The following ATP2B4 variants were observed in gnomAD, a reference collection of about 807,000 sequenced individuals.
The protein encoded by ATP2B4 is ATPase plasma membrane Ca2+ transporting 4, also known as plasma membrane calcium-transporting ATPase 4.
In ATP2B4, 39 loss-of-function variants were observed where a neutral mutation model predicts 110.3. The observed-to-expected ratio is 0.35, with a 90% CI of 0.27 to 0.46. The LOEUF (loss-of-function observed/expected upper bound fraction) is 0.46. Ranked by LOEUF, ATP2B4 falls within the 20% of genes least tolerant of loss-of-function variation. ATP2B4 has a pLI of 1.00. For missense variants in ATP2B4, 1,135 were observed against 1,530.9 expected (o/e 0.74, Z 4.32); for synonymous variants, 538 against 571.7 (o/e 0.94, Z 0.84).
chr1:203,650,980 C>G (rs1011932749), intron 1 of ATP2B4, among the ~76,000 whole-genome samples: 3 of 152,118 alleles, frequency 2.0e-5, no homozygotes, highest in Non-Finnish European at 4.4e-5. Context: ...CACTGTGTTG[C>G]CCAGGCTGCT....
intron 20 of ATP2B4, among the ~76,000 whole-genome samples, chr1:203,736,310 CA>C (rs973304637): frequency 3.5e-4 from 53 of 150,842 alleles, no homozygotes; most frequent in African/African-American, 1.2e-3. Flanking sequence ...ACTAAAAATA[CA>C]AAAAAAAATA....
intron 1 of ATP2B4, among the ~76,000 whole-genome samples, chr1:203,649,262 A>C (rs1663903643): frequency 6.6e-6 from 1 of 152,156 alleles, no homozygotes; most frequent in African/African-American, 2.4e-5. Flanking sequence ...ATGTGTTCAA[A>C]GTGGGTGAAA....
At chr1:203,657,020 C>T in intron 1 of ATP2B4, 2 of 751,534 alleles carry the variant, frequency 2.7e-6, no homozygotes, top group Non-Finnish European at 2.4e-6. Context: ...CTGTTGGTAA[C>T]CTGAGCATAT....
At position 203,699,827 on chromosome 1, in the gene ATP2B4, CA is replaced by C. The variant is rs541840987; in HGVS notation, c.649+114del. 3 of 1,503,412 alleles carry C rather than the reference CA, an allele frequency of 2.0e-6. No homozygotes were observed. In the African/African-American group the frequency reaches 4.2e-5, roughly 21 times the overall value. The allele number at this position is 1,503,412 out of a possible 1,614,324, so 93.1% of individuals were successfully genotyped here. ...GCTGAAAACCCAAAAAGATAAGATC[CA>C]AAATTGTATTCACTTCTAGGTTAGA... On this transcript the variant is annotated intron_variant, in intron 4 of 20. Coordinates refer to ENST00000357681, the MANE Select transcript of ATP2B4 (RefSeq NM_001684.5).
intron 2 of ATP2B4, among the ~76,000 whole-genome samples, chr1:203,688,722 C>A (rs1476156721): frequency 6.6e-6 from 1 of 152,076 alleles, no homozygotes; most frequent in Non-Finnish European, 1.5e-5. Flanking sequence ...AGATGTTTAG[C>A]TACATGGCCT....
At chr1:203,645,566 C>A (rs1663770138) in intron 1 of ATP2B4, among the ~76,000 whole-genome samples, 1 of 151,328 alleles carries the variant, frequency 6.6e-6, no homozygotes, top group South Asian at 2.1e-4. Flanking sequence ...CAACACCCTT[C>A]CCAGCTTATA....
At chr1:203,702,182 A>G in intron 7 of ATP2B4, 103 bp downstream of exon 7, 4 of 1,451,968 alleles carry the variant, frequency 2.8e-6, no homozygotes, top group Non-Finnish European at 3.8e-6. Flanking sequence ...TAAATCTGTT[A>G]TCTGCTGCTG....
intron 1 of ATP2B4, among the ~76,000 whole-genome samples, chr1:203,642,566 C>T (rs1332709208): frequency 1.3e-5 from 2 of 152,186 alleles, no homozygotes; most frequent in African/African-American, 2.4e-5. Context: ...GACTAGGAAA[C>T]AGGATGCTGA....
chr1:203,644,346 C>A (rs1209567960), intron 1 of ATP2B4, among the ~76,000 whole-genome samples: 2 of 151,834 alleles, frequency 1.3e-5, no homozygotes, highest in Admixed American at 6.6e-5. Context: ...GTGAACTTTA[C>A]CTTCTTCCTT....
At chr1:203,710,852 G>A (rs765331981) in intron 11 of ATP2B4, 25 bp from the exon 12 acceptor site, 10 of 1,538,852 alleles carry the variant, frequency 6.5e-6, no homozygotes, top group Admixed American at 3.5e-5. Context: ...GGGAGACACC[G>A]CGTTCTTACT....
At chr1:203,657,076 C>T in intron 1 of ATP2B4, 1 of 834,418 alleles carries the variant, frequency 1.2e-6, no homozygotes, top group South Asian at 1.4e-5. Context: ...GCCCAATTCG[C>T]TCACATTTAC....
chr1:203,649,142 G>T (rs1663900452), intron 1 of ATP2B4, among the ~76,000 whole-genome samples: 2 of 152,140 alleles, frequency 1.3e-5, no homozygotes, highest in South Asian at 4.1e-4. Context: ...TGAGGTTGGG[G>T]AGACCATTCA....
At chr1:203,712,686 C>T (rs1022338185) in intron 13 of ATP2B4, among the ~76,000 whole-genome samples, 11 of 150,848 alleles carry the variant, frequency 7.3e-5, no homozygotes, top group Non-Finnish European at 1.3e-4. Flanking sequence ...ACTAACTTTT[C>T]TTGTCTTTCT....
At chr1:203,662,356 G>A (rs775694990) in intron 1 of ATP2B4, among the ~76,000 whole-genome samples, 2 of 152,074 alleles carry the variant, frequency 1.3e-5, no homozygotes, top group South Asian at 4.1e-4. Context: ...AGACCGTTCA[G>A]TGGTACTAAC....
intron 1 of ATP2B4, among the ~76,000 whole-genome samples, chr1:203,652,291 G>A (rs754717891): frequency 1.3e-5 from 2 of 151,638 alleles, no homozygotes; most frequent in Non-Finnish European, 2.9e-5. Context: ...ATTCAGGCAC[G>A]CGCCTCCATG....
chr1:203,722,558 A>C lies in ATP2B4; in HGVS notation c.2893A>C (p.Asn965His). Residue 965 changes from asparagine to histidine, a missense_variant, in exon 18 of 21, where the codon AAC becomes CAC. Physicochemically the swap from Asn to His is moderately conservative, Grantham distance 68. Around this residue, in one of 9 missense-constraint regions of ATP2B4, gnomAD observed 155 missense variants for 186.2 expected, o/e 0.83. Transcript: ENST00000357681. ...CAGCCAGCACTATACCATTGTTTTTAACACCTTCGTGCTGATGCAGCTCTT... is the reference window on the plus strand; with the variant it reads ...CAGCCAGCACTATACCATTGTTTTTCACACCTTCGTGCTGATGCAGCTCTT... ...PPSQHYTIVFNTFVLMQLFNE... is the reference protein window; with the variant it reads ...PPSQHYTIVFHTFVLMQLFNE... 6.2e-7 allele frequency: 1 copy of C among 1,614,210 alleles called. No individual in the cohort carries two copies. Among genetic ancestry groups the C allele is most frequent in the South Asian group, 1.1e-5 (1 of 91,080 alleles).
In ATP2B4 at chr1:203,707,234, A is replaced by G; in HGVS notation, c.1314+11A>G. 6 of 1,607,212 alleles carry G rather than the reference A, an allele frequency of 3.7e-6. No individual in the cohort carries two copies. Among genetic ancestry groups the G allele is most frequent in the Non-Finnish European group, 5.1e-6 (6 of 1,174,750 alleles). On this transcript the variant is annotated intron_variant, in intron 9 of 20. Coordinates refer to ENST00000357681, the MANE Select transcript of ATP2B4 (RefSeq NM_001684.5). The stretch of plus-strand genomic sequence containing the variant: ...GCCTACTCTGTGAAGGTGAGACTAG[A>G]ACAATCCTATCTCTTCCTTTAGGAT...
chr1:203,634,004 C>G (rs1459687747), intron 1 of ATP2B4, among the ~76,000 whole-genome samples: 1 of 152,062 alleles, frequency 6.6e-6, no homozygotes, highest in African/African-American at 2.4e-5. Flanking sequence ...GAGCCAAGAT[C>G]ACACTATTGC....
chr1:203,723,923 A>G lies in ATP2B4; in HGVS notation c.3067A>G (p.Ser1023Gly). The G allele has an allele frequency of 6.2e-7, 1 of 1,611,578 alleles. No individual in the cohort carries two copies. Among genetic ancestry groups the G allele is most frequent in the Non-Finnish European group, 8.5e-7 (1 of 1,178,996 alleles). The part of the protein sequence containing the change: ...EFGGKPFSCT[S>G]LSLSQWLWCL... ...TGGGGGTAAACCCTTCAGTTGTACAAGCCTCAGCCTGTCTCAGTGGCTGTG... is the reference window on the plus strand; with the variant it reads ...TGGGGGTAAACCCTTCAGTTGTACAGGCCTCAGCCTGTCTCAGTGGCTGTG... The change falls in exon 19 of 21, where the codon AGC becomes GGC. Residue 1023 changes from serine (S) to glycine (G), a missense_variant. Around this residue, in one of 9 missense-constraint regions of ATP2B4, gnomAD observed 155 missense variants for 186.2 expected, o/e 0.83. Coordinates refer to ENST00000357681, the MANE Select transcript of ATP2B4 (RefSeq NM_001684.5).
Sources: allele counts gnomAD v4.1 joint callset (sites outside exome capture counted in the v4.1 genomes callset), GRCh38; gene constraint gnomAD v4.1.1; regional missense constraint gnomAD v4.1.1; transcripts MANE v1.5; gene names NCBI Gene and HGNC (gene_info 2026-07-23, HGNC 2026-07-21).